Variants in DCC observed in about 807,000 individuals in gnomAD.
DCC encodes the protein netrin receptor DCC.
In DCC, 58 loss-of-function variants were observed where a neutral mutation model predicts 172.5. That is an observed-to-expected ratio of 0.34 (90% confidence interval 0.27 to 0.42). DCC has a LOEUF of 0.42. Among genes scored for constraint, DCC ranks in the 10% least tolerant of loss-of-function variants. The pLI, the probability that DCC is intolerant of heterozygous loss-of-function variation, is 1.00. For missense variants in DCC, 1,740 were observed against 1,791.0 expected (o/e 0.97, Z 0.51); for synonymous variants, 709 against 644.5 (o/e 1.10, Z -1.52).
At chr18:53,168,855 A>C (rs1413623139) in intron 8 of DCC, among the ~76,000 whole-genome samples, 1 of 152,058 alleles carries the variant, frequency 6.6e-6, no homozygotes, top group African/African-American at 2.4e-5. Flanking sequence ...AAGGTCTTTG[A>C]ACCTTGTTCC....
intron 1 of DCC, among the ~76,000 whole-genome samples, chr18:52,475,819 A>G (rs117562089): frequency 0.021 from 3,161 of 152,290 alleles, 45 homozygotes; most frequent in Middle Eastern, 0.051. Context: ...GCCTGGTTAT[A>G]TAGATTATTT....
intron 1 of DCC, among the ~76,000 whole-genome samples, chr18:52,488,243 A>T: frequency 6.6e-6 from 1 of 152,100 alleles, no homozygotes; most frequent in Non-Finnish European, 1.5e-5. Flanking sequence ...AAATGCTCCA[A>T]TAGTCTTTAA....
At chr18:53,014,949 A>G (rs1028110985) in intron 5 of DCC, among the ~76,000 whole-genome samples, 6 of 152,154 alleles carry the variant, frequency 3.9e-5, no homozygotes, top group African/African-American at 1.2e-4. Context: ...TCCTTTATGT[A>G]TCTTATTTAA....
intron 1 of DCC, among the ~76,000 whole-genome samples, chr18:52,594,803 G>C (rs2144804791): frequency 6.6e-6 from 1 of 152,230 alleles, no homozygotes; most frequent in Non-Finnish European, 1.5e-5. Context: ...ACCAGATCTT[G>C]TGAGTACTCA....
chr18:53,213,376 G>A (rs539540625), intron 11 of DCC, among the ~76,000 whole-genome samples: 171 of 152,002 alleles, frequency 1.1e-3, no homozygotes, highest in African/African-American at 3.7e-3. Context: ...TCGGCCGGGC[G>A]TAGTGGCTCA....
chr18:53,397,540 A>G (rs1418467384), intron 18 of DCC, 94 bp downstream of exon 18: 9 of 1,327,748 alleles, frequency 6.8e-6, no homozygotes, highest in Non-Finnish European at 9.7e-6. Flanking sequence ...TGTCTCAATT[A>G]TACCTTATCC....
At chr18:52,884,874 G>A (rs1199978078) in intron 2 of DCC, among the ~76,000 whole-genome samples, 2 of 152,214 alleles carry the variant, frequency 1.3e-5, no homozygotes, top group East Asian at 3.9e-4. Flanking sequence ...AGGAACTTGG[G>A]TACAAAGCCT....
At chr18:53,525,907 A>T (rs961192208) in intron 27 of DCC, among the ~76,000 whole-genome samples, 2 of 152,136 alleles carry the variant, frequency 1.3e-5, no homozygotes, top group Admixed American at 6.6e-5. Context: ...TCAAGGTTGT[A>T]TTAGCGCTAC....
chr18:52,576,986 A>C (rs758684618), intron 1 of DCC, among the ~76,000 whole-genome samples: 1 of 152,118 alleles, frequency 6.6e-6, no homozygotes, highest in African/African-American at 2.4e-5. Flanking sequence ...ATAATATTCC[A>C]TTTTATGAAC....
At chr18:52,969,543 G>A (rs1204469585) in intron 5 of DCC, among the ~76,000 whole-genome samples, 1 of 147,122 alleles carries the variant, frequency 6.8e-6, no homozygotes, top group African/African-American at 2.5e-5. Flanking sequence ...ATCTCAACCA[G>A]ATTAGCCTCT....
chr18:53,071,500 C>A (rs539148954), intron 7 of DCC, among the ~76,000 whole-genome samples: 1 of 152,212 alleles, frequency 6.6e-6, no homozygotes, highest in Middle Eastern at 3.4e-3. Flanking sequence ...GCTATCTATG[C>A]AATTATTTAT....
At chr18:52,658,964 A>C (rs990232725) in intron 1 of DCC, among the ~76,000 whole-genome samples, 1 of 152,212 alleles carries the variant, frequency 6.6e-6, no homozygotes, top group Non-Finnish European at 1.5e-5. Context: ...CTTCAATAGT[A>C]GCTGAGTAGC....
chr18:52,526,359 C>G (rs1349930), intron 1 of DCC, among the ~76,000 whole-genome samples: 20,184 of 152,098 alleles, frequency 0.13, 1,471 homozygotes, highest in South Asian at 0.22. Flanking sequence ...GTGTTCCCAA[C>G]AAAATCAGTG....
At chr18:52,587,042 G>T (rs999471432) in intron 1 of DCC, among the ~76,000 whole-genome samples, 4 of 152,224 alleles carry the variant, frequency 2.6e-5, no homozygotes, top group Non-Finnish European at 4.4e-5. Flanking sequence ...AGCACTGGGT[G>T]CAGGATAATC....
At chr18:53,097,005 A>G (rs2144202946) in intron 7 of DCC, among the ~76,000 whole-genome samples, 1 of 152,230 alleles carries the variant, frequency 6.6e-6, no homozygotes, top group East Asian at 1.9e-4. Flanking sequence ...AGAAAAGATG[A>G]AACAAAAAGT....
At chr18:53,109,295 T>G (rs2043296363) in intron 7 of DCC, among the ~76,000 whole-genome samples, 1 of 151,552 alleles carries the variant, frequency 6.6e-6, no homozygotes, top group South Asian at 2.1e-4. Flanking sequence ...ACAATTTTAA[T>G]AGTATTTTAA....
chr18:53,032,041 A>G (rs906477772), intron 5 of DCC, among the ~76,000 whole-genome samples: 1 of 152,164 alleles, frequency 6.6e-6, no homozygotes, highest in African/African-American at 2.4e-5. Context: ...TGAAATATGT[A>G]TATTGTACTC....
At chr18:52,422,997 A>T (rs1225232218) in intron 1 of DCC, among the ~76,000 whole-genome samples, 3 of 152,164 alleles carry the variant, frequency 2.0e-5, no homozygotes. Context: ...CCACTTAGTG[A>T]CATTAATTTA....
chr18:53,416,166 C>A lies in DCC; in HGVS notation c.3163+10C>A. 6 of 1,596,752 alleles carry A rather than the reference C, an allele frequency of 3.8e-6. No individual in the cohort carries two copies. Among genetic ancestry groups the A allele is most frequent in the South Asian group, 1.1e-5 (1 of 90,716 alleles). Reference sequence around the variant, plus strand: ...ATGGCTAATGACCAAGGTATGGTGGCTCAATCTGTCATTTTGTGTTCCTTG... The same window carrying A: ...ATGGCTAATGACCAAGGTATGGTGGATCAATCTGTCATTTTGTGTTCCTTG... On this transcript the variant is annotated intron_variant, in intron 21 of 28. Coordinates refer to ENST00000442544, the MANE Select transcript of DCC (RefSeq NM_005215.4).
Sources: allele counts gnomAD v4.1 joint callset (sites outside exome capture counted in the v4.1 genomes callset), GRCh38; gene constraint gnomAD v4.1.1; transcripts MANE v1.5; gene names NCBI Gene and HGNC (gene_info 2026-07-23, HGNC 2026-07-21).